Variants in COL13A1 observed in about 807,000 individuals in gnomAD.
COL13A1 encodes collagen alpha-1(XIII) chain.
In COL13A1, 89 loss-of-function variants were observed where a neutral mutation model predicts 130.9. That is an observed-to-expected ratio of 0.68 (90% CI 0.57 to 0.81). The LOEUF (loss-of-function observed/expected upper bound fraction) is 0.81. COL13A1 is among the 30% of genes least tolerant of loss of function. The pLI is 0.00. For missense variants in COL13A1, 879 were observed against 934.6 expected (o/e 0.94, Z 0.78); for synonymous variants, 402 against 341.6 (o/e 1.18, Z -1.95).
intron 2 of COL13A1, among the ~76,000 whole-genome samples, chr10:69,838,736 G>A (rs1012227207): frequency 6.6e-6 from 1 of 152,244 alleles, no homozygotes; most frequent in Non-Finnish European, 1.5e-5. Flanking sequence ...TGTATACAGA[G>A]CGCCAGGCAT....
chr10:69,909,301 G>C (rs960040286), intron 17 of COL13A1, among the ~76,000 whole-genome samples: 1 of 152,148 alleles, frequency 6.6e-6, no homozygotes, highest in Non-Finnish European at 1.5e-5. Flanking sequence ...CAACCCTTCT[G>C]TCTCTGCCAG....
At chr10:69,871,547 T>A (rs933471996) in intron 3 of COL13A1, among the ~76,000 whole-genome samples, 4 of 152,094 alleles carry the variant, frequency 2.6e-5, no homozygotes, top group African/African-American at 9.7e-5. Flanking sequence ...GGAACAAACG[T>A]TAGAAGGGTT....
intron 23 of COL13A1, among the ~76,000 whole-genome samples, 183 bp from the exon 24 acceptor site, chr10:69,923,619 C>T (rs145539524): frequency 1.3e-5 from 2 of 152,250 alleles, no homozygotes; most frequent in East Asian, 3.9e-4. Context: ...GGAAGCAAGA[C>T]CCAGGCTGGG....
Position 69,937,622 on chromosome 10 carries a change from C to A in COL13A1, c.1798-13C>A, listed in dbSNP as rs770420836. 33 of 1,326,850 alleles carry A rather than the reference C, an allele frequency of 2.5e-5. No homozygotes were observed. The highest frequency in any genetic ancestry group is 1.8e-4 in the Middle Eastern group (1 of 5,530). The allele number at this position is 1,326,850 out of a possible 1,614,324, so 82.2% of individuals were successfully genotyped here. A position where few individuals can be genotyped will look rare whatever the true frequency, so the allele number is the denominator to read the frequency against. ...GTCCTTGTGTGATCTCGTCCCCTCT[C>A]CCTTTCCTCCAGGGGGAAGCAGGAC... On this transcript the variant is annotated splice_polypyrimidine_tract_variant and intron_variant, in intron 33 of 40. Coordinates refer to ENST00000645393, the MANE Select transcript of COL13A1 (RefSeq NM_001368882.1).
rs549115335 is a variant in COL13A1 at position 69,940,374 on chromosome 10, G to A, written c.1879-614G>A. Among the ~76,000 whole-genome samples, 47 of 152,302 alleles carry A rather than the reference G, an allele frequency of 3.1e-4. 1 individual carries two copies. The highest frequency in any genetic ancestry group is 9.6e-4 in the African/African-American group (40 of 41,566). On this transcript the variant is annotated intron_variant, in intron 34 of 40. Coordinates refer to ENST00000645393, the MANE Select transcript of COL13A1 (RefSeq NM_001368882.1). Reference sequence around the variant, plus strand: ...GCATCTCAGACTGTAAAGTGCCAGCGAAATGTCAGGCATCATTTGTAATAT... The same window carrying A: ...GCATCTCAGACTGTAAAGTGCCAGCAAAATGTCAGGCATCATTTGTAATAT...
At chr10:69,925,325 A>G (rs2065209785) in intron 25 of COL13A1, among the ~76,000 whole-genome samples, 1 of 152,238 alleles carries the variant, frequency 6.6e-6, no homozygotes, top group African/African-American at 2.4e-5. Context: ...TGTGGTGAAC[A>G]TGGAGCAGCT....
intron 24 of COL13A1, among the ~76,000 whole-genome samples, chr10:69,924,526 A>G (rs887566560): frequency 2.7e-5 from 4 of 150,416 alleles, no homozygotes; most frequent in African/African-American, 7.4e-5. Flanking sequence ...GGTCTTTCAC[A>G]AGTAGAGTAG....
At chr10:69,936,809 T>C (rs955877470) in intron 33 of COL13A1, 27 bp downstream of exon 33, 1 of 1,613,770 alleles carries the variant, frequency 6.2e-7, no homozygotes, top group Non-Finnish European at 8.5e-7. Context: ...TGACAGGCGC[T>C]GTGTCAGTGC....
chr10:69,840,885 C>T (rs1851413986), intron 2 of COL13A1, among the ~76,000 whole-genome samples: 1 of 152,178 alleles, frequency 6.6e-6, no homozygotes, highest in Non-Finnish European at 1.5e-5. Flanking sequence ...TCCCCTGCCC[C>T]CTGGCTCTCA....
At chr10:69,921,257 T>G (rs1263268670) in intron 21 of COL13A1, among the ~76,000 whole-genome samples, 1 of 152,148 alleles carries the variant, frequency 6.6e-6, no homozygotes, top group African/African-American at 2.4e-5. Context: ...TGCCTCCATC[T>G]CCATATGGCA....
intron 34 of COL13A1, among the ~76,000 whole-genome samples, chr10:69,937,966 C>T (rs1482946023): frequency 3.9e-5 from 6 of 152,240 alleles, no homozygotes; most frequent in Non-Finnish European, 7.3e-5. Context: ...GGGCACTGAG[C>T]TGGGAGGGCA....
rs987943437 is a variant in COL13A1, at chr10:69,898,634, G to A, written c.685-63G>A. 1.3e-5 allele frequency: 19 copies of A among 1,484,810 alleles called. No homozygotes were observed. The East Asian group carries it at 2.5e-4, about 20-fold the overall frequency. 92.0% of individuals were successfully genotyped at this position (1,484,810 alleles called of 1,614,324 possible). ...TGCCCTCCTGGTGACTTTTGGCATC[G>A]ATCTGAATACCTGTGATCTTTGGCC... On this transcript the variant is annotated intron_variant, in intron 13 of 40. Coordinates refer to ENST00000645393, the MANE Select transcript of COL13A1 (RefSeq NM_001368882.1).
At chr10:69,811,473 G>C (rs1425904183) in intron 1 of COL13A1, among the ~76,000 whole-genome samples, 2 of 152,308 alleles carry the variant, frequency 1.3e-5, no homozygotes, top group East Asian at 3.9e-4. Flanking sequence ...GGTTAAAGGG[G>C]CATTTGCCAG....
chr10:69,938,218 G>C (rs756248776), intron 34 of COL13A1, among the ~76,000 whole-genome samples: 1 of 152,188 alleles, frequency 6.6e-6, no homozygotes, highest in Non-Finnish European at 1.5e-5. Context: ...TCCTGGGTTC[G>C]TGGAGATCTC....
At chr10:69,947,662 G>A (rs1056833741) in intron 38 of COL13A1, among the ~76,000 whole-genome samples, 7 of 152,116 alleles carry the variant, frequency 4.6e-5, no homozygotes, top group African/African-American at 1.7e-4. Flanking sequence ...GCCCCTACGT[G>A]ATCATTTTAG....
intron 35 of COL13A1, 30 bp downstream of exon 35, chr10:69,941,053 C>G: frequency 6.2e-7 from 1 of 1,613,662 alleles, no homozygotes; most frequent in South Asian, 1.1e-5. Context: ...CACCCCTCAC[C>G]CCACTCCACT....
At position 69,942,929 on chromosome 10, in the gene COL13A1, C is replaced by A. The variant is rs187420534; in HGVS notation, c.1915-1196C>A. On this transcript the variant is annotated intron_variant, in intron 35 of 40. Coordinates refer to ENST00000645393, the MANE Select transcript of COL13A1 (RefSeq NM_001368882.1). ...GTGGCGCAATCTTGGCTCACTGCAACCTCCACCTCCGGGTTTCAAGCGATT... is the reference window on the plus strand; with the variant it reads ...GTGGCGCAATCTTGGCTCACTGCAAACTCCACCTCCGGGTTTCAAGCGATT... Among the ~76,000 whole-genome samples, 941 of 152,350 alleles carry A rather than the reference C, an allele frequency of 6.2e-3. 10 individuals carry two copies. The highest frequency in any genetic ancestry group is 0.011 in the Non-Finnish European group (749 of 68,028).
rs373727309 is a variant in COL13A1, at chr10:69,930,034, C to G, written c.1486-9C>G. 3 of 1,613,650 alleles carry G rather than the reference C, an allele frequency of 1.9e-6. No homozygotes were observed. Among genetic ancestry groups the G allele is most frequent in the Non-Finnish European group, 2.5e-6 (3 of 1,179,598 alleles). On this transcript the variant is annotated splice_polypyrimidine_tract_variant and intron_variant, in intron 28 of 40. Transcript: ENST00000645393. The stretch of plus-strand genomic sequence containing the variant: ...CCCTGAGAGTCACCTTTAGTTGTTC[C>G]GGTTACAGGGGGAGATTGGACTGCC...
intron 21 of COL13A1, 37 bp downstream of exon 21, chr10:69,919,764 C>T (rs184165827): frequency 2.5e-6 from 1 of 398,668 alleles, no homozygotes; most frequent in African/African-American, 2.1e-5. Flanking sequence ...GCCCCTTCAT[C>T]CTAGCCTCAC....
Sources: allele counts gnomAD v4.1 joint callset (sites outside exome capture counted in the v4.1 genomes callset), GRCh38; gene constraint gnomAD v4.1.1; transcripts MANE v1.5; gene names NCBI Gene and HGNC (gene_info 2026-07-23, HGNC 2026-07-21).